The following CCDC88C variants were observed in gnomAD, a reference collection of about 807,000 sequenced individuals.
CCDC88C encodes the protein coiled-coil and HOOK domain protein 88C.
Under a neutral mutation model 198.8 loss-of-function variants are expected in CCDC88C, and 131 were observed. The ratio of observed to expected loss-of-function variants is 0.66; its 90% CI spans 0.57 to 0.76. The LOEUF is 0.76. CCDC88C is among the 30% of genes least tolerant of loss of function. CCDC88C has a pLI of 0.00. For missense variants in CCDC88C, 2,553 were observed against 2,631.6 expected, an observed-to-expected ratio of 0.97 and a Z score of 0.65; for synonymous variants, 1,166 against 1,114.7, an observed-to-expected ratio of 1.05 and a Z score of -0.92.
intron 10 of CCDC88C, among the ~76,000 whole-genome samples, chr14:91,330,589 A>C (rs1436012351): frequency 6.6e-6 from 1 of 152,174 alleles, no homozygotes; most frequent in Non-Finnish European, 1.5e-5. Flanking sequence ...GGTGAGAAAC[A>C]GGCTTACAAA....
intron 2 of CCDC88C, among the ~76,000 whole-genome samples, chr14:91,415,075 GC>G (rs1218475426): frequency 1.3e-5 from 2 of 152,192 alleles, no homozygotes; most frequent in African/African-American, 4.8e-5. Context: ...GAATGAAAAG[GC>G]TGGGGATACT....
At chr14:91,311,918 G>A (rs1891846104) in intron 15 of CCDC88C, among the ~76,000 whole-genome samples, 1 of 151,788 alleles carries the variant, frequency 6.6e-6, no homozygotes, top group South Asian at 2.1e-4. Flanking sequence ...ATTTAAAATA[G>A]TGGAAAAGAG....
At position 91,274,061 on chromosome 14, in the gene CCDC88C, C is replaced by T. The variant is rs538750868; in HGVS notation, c.5059-408G>A. On this transcript the variant is annotated intron_variant, in intron 29 of 29. Coordinates refer to ENST00000389857, the MANE Select transcript of CCDC88C (RefSeq NM_001080414.4). ...GGATATGAGCAGGGCCTTCCTTCCC[C>T]GGTCACCCCGGGACATCATAAGGAC... is the stretch of plus-strand genomic sequence containing the variant. 7.1e-4 allele frequency among the ~76,000 whole-genome samples: 108 copies of T among 152,106 alleles called. 1 individual carries two copies. In the South Asian group the frequency reaches 9.0e-3, roughly 13 times the overall value.
intron 3 of CCDC88C, among the ~76,000 whole-genome samples, chr14:91,375,938 G>A (rs1441197960): frequency 6.6e-6 from 1 of 152,230 alleles, no homozygotes; most frequent in Admixed American, 6.5e-5. Context: ...CAGTAAGGAT[G>A]TGCCCTGGGG....
Position 91,325,818 on chromosome 14 carries a change from C to G in CCDC88C, c.1197+92G>C, listed in dbSNP as rs1027873106. On this transcript the variant is annotated intron_variant, in intron 11 of 29. Coordinates refer to ENST00000389857, the MANE Select transcript of CCDC88C (RefSeq NM_001080414.4). The surrounding 1 kb of genome is among the most constrained non-coding windows in gnomAD (Gnocchi z 4.1). ...TCCTGCGCTCAAGGGATCCTCCCACCTTAGCCTCCCAAAGTGCTGGGATTA... is the reference window on the plus strand; with the variant it reads ...TCCTGCGCTCAAGGGATCCTCCCACGTTAGCCTCCCAAAGTGCTGGGATTA... 5 of 1,328,368 alleles carry G rather than the reference C, an allele frequency of 3.8e-6. No homozygotes were observed. The highest frequency in any genetic ancestry group is 1.5e-5 in the African/African-American group (1 of 67,704). The allele number at this position is 1,328,368 out of a possible 1,614,324, so 82.3% of individuals were successfully genotyped here.
chr14:91,332,082 G>A (rs1176767805), intron 10 of CCDC88C, among the ~76,000 whole-genome samples: 13 of 152,170 alleles, frequency 8.5e-5, no homozygotes, highest in Non-Finnish European at 1.9e-4. Context: ...GGGAGCCAGC[G>A]CTGCCTAGAG....
rs766034023 is a variant in CCDC88C at position 91,297,460 on chromosome 14, C to T, written c.3811G>A (p.Glu1271Lys). Residue 1271 changes from glutamate (E) to lysine (K), a missense_variant, in exon 22 of 30, where the codon GAG (glutamate) becomes AAG (lysine). Transcript: ENST00000389857. ...GTGTGGGCGTGCAGCTCCTCGTACT[C>T]CCCCTTCAGCTGGTGGTGCAGGAAA... is the stretch of plus-strand genomic sequence containing the variant. ...VNFLHHQLKG[E>K]YEELHAHTKE... 2.7e-5 allele frequency: 43 copies of T among 1,569,690 alleles called. No individual in the cohort carries two copies. Among genetic ancestry groups the T allele is most frequent in the Non-Finnish European group, 3.7e-5 (43 of 1,157,256 alleles).
At chr14:91,331,537 C>T (rs1024800589) in intron 10 of CCDC88C, among the ~76,000 whole-genome samples, 6 of 146,182 alleles carry the variant, frequency 4.1e-5, no homozygotes, top group South Asian at 2.2e-4. Context: ...TGTGTGTGCG[C>T]GTGCGAGAGA....
chr14:91,335,866 TTATC>T (rs1893024496), intron 10 of CCDC88C, among the ~76,000 whole-genome samples: 3 of 152,150 alleles, frequency 2.0e-5, no homozygotes. Flanking sequence ...CCTCCACCAT[TTATC>T]TAATTCCTGA....
In CCDC88C at chr14:91,321,303, G is replaced by T; in HGVS notation, c.1344C>A (p.Ala448=). Reference sequence around the variant, plus strand: ...GCTCAAACACAAACGACTTCCTGGAGGCTGAAGACAAAGTCCAGTCAGAGC... The same window carrying T: ...GCTCAAACACAAACGACTTCCTGGATGCTGAAGACAAAGTCCAGTCAGAGC... The part of the protein sequence containing the change: ...QLSKNADLSD[A]SRKSFVFELN... Residue 448 remains alanine, a splice_region_variant and synonymous_variant, in exon 13 of 30, where the codon GCC becomes GCA. Transcript: ENST00000389857. 6.4e-7 allele frequency: 1 copy of T among 1,552,744 alleles called. No individual in the cohort carries two copies. Among genetic ancestry groups the T allele is most frequent in the South Asian group, 1.2e-5 (1 of 84,220 alleles).
At chr14:91,337,772 A>G (rs2139856017) in intron 10 of CCDC88C, among the ~76,000 whole-genome samples, 1 of 152,342 alleles carries the variant, frequency 6.6e-6, no homozygotes, top group Admixed American at 6.5e-5. Flanking sequence ...GAAACCCTGA[A>G]TCACTGCCTT....
chr14:91,374,917 G>A (rs978598683), intron 3 of CCDC88C, among the ~76,000 whole-genome samples: 1 of 152,216 alleles, frequency 6.6e-6, no homozygotes, highest in Non-Finnish European at 1.5e-5. Flanking sequence ...TCGGTCAATG[G>A]TGCCTGTCAG....
chr14:91,372,080 T>C (rs1479380448), intron 3 of CCDC88C, among the ~76,000 whole-genome samples: 1 of 152,044 alleles, frequency 6.6e-6, no homozygotes, highest in Non-Finnish European at 1.5e-5. Flanking sequence ...CCTTGTCCAG[T>C]GTCCCAGGGC....
At chr14:91,386,498 C>A (rs1421371287) in intron 3 of CCDC88C, among the ~76,000 whole-genome samples, 1 of 152,108 alleles carries the variant, frequency 6.6e-6, no homozygotes, top group Non-Finnish European at 1.5e-5. Flanking sequence ...GTAGAGGAGA[C>A]CAATGGTAGA....
At chr14:91,405,881 C>T (rs188602847) in intron 3 of CCDC88C, among the ~76,000 whole-genome samples, 3 of 152,316 alleles carry the variant, frequency 2.0e-5, no homozygotes, top group East Asian at 3.9e-4. Context: ...AGGACTGAGA[C>T]GCAGTGACCA....
intron 3 of CCDC88C, among the ~76,000 whole-genome samples, chr14:91,398,060 G>A (rs1279814832): frequency 5.9e-5 from 9 of 152,110 alleles, no homozygotes; most frequent in Non-Finnish European, 7.4e-5. Context: ...GAAAAATGAC[G>A]AGGCTCTAAA....
At chr14:91,404,362 C>T (rs774937656) in intron 3 of CCDC88C, among the ~76,000 whole-genome samples, 2 of 152,178 alleles carry the variant, frequency 1.3e-5, no homozygotes, top group Non-Finnish European at 2.9e-5. Context: ...GGAGAAGGGT[C>T]ACCTGGTGAG....
chr14:91,336,669 A>T (rs1893058991), intron 10 of CCDC88C, among the ~76,000 whole-genome samples: 1 of 152,214 alleles, frequency 6.6e-6, no homozygotes, highest in Non-Finnish European at 1.5e-5. Context: ...TCGCCCAGGC[A>T]TGGGCTGGCT....
intron 29 of CCDC88C, among the ~76,000 whole-genome samples, chr14:91,275,664 A>G (rs1889928218): frequency 6.8e-6 from 1 of 146,992 alleles, no homozygotes; most frequent in African/African-American, 2.4e-5. Context: ...TCTTTAGTAG[A>G]GATGGGGTTT....
Sources: allele counts gnomAD v4.1 joint callset (sites outside exome capture counted in the v4.1 genomes callset), GRCh38; gene constraint gnomAD v4.1.1; non-coding constraint Gnocchi (gnomAD v3.1); transcripts MANE v1.5; gene names NCBI Gene and HGNC (gene_info 2026-07-23, HGNC 2026-07-21).